Variants in TDRD12 observed in about 807,000 individuals in gnomAD.
TDRD12 encodes the protein putative ATP-dependent RNA helicase TDRD12.
A neutral mutation model predicts 133.5 loss-of-function variants in TDRD12; 158 were observed. The observed-to-expected ratio is 1.18, with a 90% CI of 1.04 to 1.35. The LOEUF (loss-of-function observed/expected upper bound fraction) is 1.35, where lower values mean the gene tolerates loss of function less well. Ranked by LOEUF, TDRD12 falls within the 40% of genes most tolerant of loss-of-function variation. The pLI is 0.00. For missense variants in TDRD12, 1,443 were observed against 1,321.3 expected (o/e 1.09, Z -1.43); for synonymous variants, 460 against 477.9 (o/e 0.96, Z 0.49).
At chr19:32,760,440 AG>A (rs1599868611) in intron 8 of TDRD12, among the ~76,000 whole-genome samples, 1 of 152,224 alleles carries the variant, frequency 6.6e-6, no homozygotes, top group East Asian at 1.9e-4. Context: ...TGAGAATCAA[AG>A]TATAATACTT....
At chr19:32,767,443 T>A (rs1970331727) in intron 8 of TDRD12, among the ~76,000 whole-genome samples, 1 of 152,204 alleles carries the variant, frequency 6.6e-6, no homozygotes, top group Non-Finnish European at 1.5e-5. Context: ...GTCATGCATT[T>A]TAATTCTACA....
At chr19:32,804,691 C>CAAA (rs34907310) in intron 21 of TDRD12, among the ~76,000 whole-genome samples, 1 of 121,118 alleles carries the variant, frequency 8.3e-6, no homozygotes, top group Non-Finnish European at 1.7e-5. Context: ...GATTCTGTCT[C>CAAA]AAAAAAAAAA....
At chr19:32,729,507 G>A (rs940082883) in intron 1 of TDRD12, among the ~76,000 whole-genome samples, 1 of 151,518 alleles carries the variant, frequency 6.6e-6, no homozygotes, top group African/African-American at 2.4e-5. Context: ...ATGAGCCACC[G>A]TGCCTGGCCT....
At chr19:32,825,461 C>T (rs1029225706), downstream of TDRD12, among the ~76,000 whole-genome samples, 1 of 152,238 alleles carries the variant, frequency 6.6e-6, no homozygotes, top group Non-Finnish European at 1.5e-5. This position sits in a 1 kb window ranked among gnomAD's most constrained non-coding sequence, Gnocchi z 4.1. Context: ...GCAGGTCAAA[C>T]AGCTCCAGAG....
chr19:32,750,337 G>A lies in TDRD12; in HGVS notation c.582+468G>A, dbSNP rs190074905. 2.1e-3 allele frequency among the ~76,000 whole-genome samples: 314 copies of A among 152,238 alleles called. 2 individuals are homozygous for A. Among genetic ancestry groups the A allele is most frequent in the African/African-American group, 7.3e-3 (304 of 41,562 alleles). On this transcript the variant is annotated intron_variant, in intron 6 of 27. Coordinates refer to ENST00000444215, the Ensembl canonical transcript of TDRD12. Reference sequence around the variant, plus strand: ...TGGCCTCTGCCCTTTCTGAAGGATGGCTCAGGGCACACCTCAGCACCAGGC... The same window carrying A: ...TGGCCTCTGCCCTTTCTGAAGGATGACTCAGGGCACACCTCAGCACCAGGC...
At position 32,777,230 on chromosome 19, in the gene TDRD12, G is replaced by A. The variant is rs1389351357; in HGVS notation, c.1121+1G>A. On this transcript the variant is annotated splice_donor_variant, in intron 11 of 27. Transcript: ENST00000444215. LOFTEE classifies it high-confidence loss of function. ...ATGATGAGAAGAATAGCTGTGTGAA[G>A]TAAGAATTTTTTCCTTGGCCTGAAT... 2.2e-5 allele frequency: 34 copies of A among 1,516,944 alleles called. No homozygotes were observed. Among genetic ancestry groups the A allele is most frequent in the Non-Finnish European group, 2.9e-5 (33 of 1,132,584 alleles). The allele number at this position is 1,516,944 out of a possible 1,614,324, so 94.0% of individuals were successfully genotyped here. A position where few individuals can be genotyped will look rare whatever the true frequency, so the allele number is the denominator to read the frequency against.
Position 32,797,733 on chromosome 19 carries a change from A to G in TDRD12, c.1474-2A>G. 1 of 668,682 alleles carries G rather than the reference A, an allele frequency of 1.5e-6. No homozygotes were observed. The highest frequency in any genetic ancestry group is 2.7e-6 in the Non-Finnish European group (1 of 372,496). The allele number at this position is 668,682 out of a possible 1,614,324, so 41.4% of individuals were successfully genotyped here. ...GTCATTTGAATTTGTCTGTCTTCGC[A>G]GCCTCTCGCAGTCATCGTGTGCCCT... On this transcript the variant is annotated splice_acceptor_variant, in intron 14 of 27. Coordinates refer to ENST00000444215, the Ensembl canonical transcript of TDRD12. LOFTEE classifies it high-confidence loss of function.
chr19:32,794,107 T>A (rs1174723168), intron 13 of TDRD12, among the ~76,000 whole-genome samples: 2 of 125,434 alleles, frequency 1.6e-5, no homozygotes, highest in African/African-American at 6.2e-5. Context: ...TTTTTTTTTT[T>A]TTTTTTTTTT....
intron 11 of TDRD12, 65 bp downstream of exon 11, chr19:32,777,294 G>A: frequency 2.0e-6 from 2 of 1,012,622 alleles, no homozygotes; most frequent in Non-Finnish European, 2.9e-6. Context: ...ATAAACAAGA[G>A]AAATCTACAC....
At chr19:32,799,035 T>C (rs1382642756) in intron 16 of TDRD12, among the ~76,000 whole-genome samples, 1 of 152,202 alleles carries the variant, frequency 6.6e-6, no homozygotes, top group African/African-American at 2.4e-5. Flanking sequence ...TTTGTATACG[T>C]GTGTGGCTAC....
At chr19:32,745,208 C>T (rs557138714) in intron 4 of TDRD12, among the ~76,000 whole-genome samples, 6 of 152,336 alleles carry the variant, frequency 3.9e-5, no homozygotes, top group African/African-American at 1.4e-4. Flanking sequence ...GTGTGCAACC[C>T]AGCTCCCCTC....
chr19:32,731,210 T>A (rs930364229), intron 1 of TDRD12, among the ~76,000 whole-genome samples: 2 of 152,156 alleles, frequency 1.3e-5, no homozygotes, highest in African/African-American at 4.8e-5. Flanking sequence ...ATTATTTTTT[T>A]TATTATGAGC....
intron 8 of TDRD12, among the ~76,000 whole-genome samples, chr19:32,772,279 G>A (rs1009876564): frequency 4.6e-5 from 7 of 152,132 alleles, no homozygotes; most frequent in East Asian, 1.9e-4. Context: ...AAATGTGAGC[G>A]TCCAAGACCA....
At chr19:32,739,367 GCT>G (rs1969324668) in intron 3 of TDRD12, among the ~76,000 whole-genome samples, 1 of 142,642 alleles carries the variant, frequency 7.0e-6, no homozygotes, top group African/African-American at 2.7e-5. Context: ...CTATCACCTG[GCT>G]GCTCTCTGCA....
At chr19:32,773,955 G>A (rs1970508750) in intron 10 of TDRD12, among the ~76,000 whole-genome samples, 1 of 152,176 alleles carries the variant, frequency 6.6e-6, no homozygotes, top group Non-Finnish European at 1.5e-5. Flanking sequence ...TGTAAGGCAG[G>A]TCTGAAGATT....
At chr19:32,783,596 G>A (rs979333653) in intron 11 of TDRD12, among the ~76,000 whole-genome samples, 6 of 151,896 alleles carry the variant, frequency 4.0e-5, no homozygotes, top group African/African-American at 1.5e-4. Flanking sequence ...TGATCCATGA[G>A]CATGGAATGT....
chr19:32,732,001 C>T (rs193009450), intron 2 of TDRD12, 118 bp downstream of exon 2: 5 of 1,065,252 alleles, frequency 4.7e-6, no homozygotes, highest in Middle Eastern at 3.1e-4. Context: ...ACACTCAGTG[C>T]CTTGTGTTAG....
intron 1 of TDRD12, 128 bp downstream of exon 1, chr19:32,720,224 C>T: frequency 1.0e-6 from 1 of 998,296 alleles, no homozygotes; most frequent in Non-Finnish European, 1.5e-6. Flanking sequence ...CCCCGCACAG[C>T]CTCCCACCCC....
downstream of TDRD12, among the ~76,000 whole-genome samples, chr19:32,825,086 G>C (rs909518272): frequency 6.6e-6 from 1 of 152,072 alleles, no homozygotes; most frequent in South Asian, 2.1e-4. The surrounding 1 kb of genome is among the most constrained non-coding windows in gnomAD (Gnocchi z 4.1). Flanking sequence ...TCCTCTGCTC[G>C]CCTCCTCTCA....
Sources: gnomAD v4.1 joint callset for allele counts (sites outside exome capture counted in the v4.1 genomes callset) on GRCh38, gnomAD v4.1.1 for gene constraint, Gnocchi (gnomAD v3.1) non-coding constraint, MANE v1.5 for transcripts, NCBI Gene and HGNC (gene_info 2026-07-23, HGNC 2026-07-21) for gene names.